The following TLE1 variants were observed in gnomAD, a reference collection of about 807,000 sequenced individuals.
TLE1 encodes transducin-like enhancer protein 1.
TLE1 carries 21 observed loss-of-function variants against 89.8 expected under a neutral mutation model. The observed-to-expected ratio is 0.23, with a 90% confidence interval of 0.17 to 0.34. TLE1 has a LOEUF of 0.34. Among genes scored for constraint, TLE1 ranks in the 10% least tolerant of loss-of-function variants. The probability of loss-of-function intolerance (pLI) is 1.00; values close to 1 mark genes in which losing one functional copy is unlikely to be tolerated. For synonymous variants in TLE1, 447 were observed against 407.6 expected, an observed-to-expected ratio of 1.10 and a Z score of -1.16; for missense variants, 795 against 1,031.2, an observed-to-expected ratio of 0.77 and a Z score of 3.14.
intron 14 of TLE1, among the ~76,000 whole-genome samples, chr9:81,604,862 C>T (rs1831425320): frequency 6.6e-6 from 1 of 152,190 alleles, no homozygotes; most frequent in South Asian, 2.1e-4. Flanking sequence ...GCATGCGCTT[C>T]AGCTTCACCC....
At position 81,633,897 on chromosome 9, in the gene TLE1, G is replaced by A. The variant is rs189720856; in HGVS notation, c.577+200C>T. 754 of 539,962 alleles carry A rather than the reference G, an allele frequency of 1.4e-3. 7 individuals carry two copies. The highest frequency in any genetic ancestry group is 0.013 in the African/African-American group (661 of 52,688). The allele number at this position is 539,962 out of a possible 1,614,324, so 33.4% of individuals were successfully genotyped here. A position where few individuals can be genotyped will look rare whatever the true frequency, so the allele number is the denominator to read the frequency against. ...AAGATGCCTGCAATCTAACGAGATC[G>A]AGAAATCTACAGATGCCCACAGCAA... On this transcript the variant is annotated intron_variant, in intron 7 of 19. Coordinates refer to ENST00000376499, the MANE Select transcript of TLE1 (RefSeq NM_005077.5).
At chr9:81,620,892 G>C (rs868546290) in intron 8 of TLE1, 1 of 594,470 alleles carries the variant, frequency 1.7e-6, no homozygotes. Context: ...CGACTTCCTG[G>C]TCAGGAATAC....
chr9:81,607,585 T>C (rs141302883), intron 14 of TLE1, among the ~76,000 whole-genome samples: 338 of 152,334 alleles, frequency 2.2e-3, no homozygotes, highest in African/African-American at 7.3e-3. Flanking sequence ...CAAAGGTTCA[T>C]TGGTTACTGG....
intron 6 of TLE1, among the ~76,000 whole-genome samples, chr9:81,639,594 T>G (rs775357002): frequency 4.0e-5 from 6 of 148,572 alleles, no homozygotes; most frequent in Non-Finnish European, 6.0e-5. Context: ...TTTTGTTTTT[T>G]TTTTTTTTGA....
At position 81,613,256 on chromosome 9, in the gene TLE1, G is replaced by A. The variant is rs1823949310; in HGVS notation, c.1063+121C>T. ...ATCATGGCTTTTTCAGAGATAGGAA[G>A]GAGGGTGGCCCTACGTACATTTCAT... On this transcript the variant is annotated intron_variant, in intron 12 of 19. Coordinates refer to ENST00000376499, the MANE Select transcript of TLE1 (RefSeq NM_005077.5). The A allele has an allele frequency of 1.0e-5, 14 of 1,357,160 alleles. No homozygotes were observed. In the South Asian group the frequency reaches 1.8e-4, roughly 17 times the overall value. The allele number at this position is 1,357,160 out of a possible 1,614,324, so 84.1% of individuals were successfully genotyped here.
intron 4 of TLE1, among the ~76,000 whole-genome samples, chr9:81,661,878 C>A (rs1489709112): frequency 3.3e-5 from 5 of 152,074 alleles, no homozygotes; most frequent in Non-Finnish European, 5.9e-5. Flanking sequence ...TTAACAAAAT[C>A]CAATGATGAA....
At chr9:81,623,314 T>C (rs538039370) in intron 8 of TLE1, among the ~76,000 whole-genome samples, 104 of 152,242 alleles carry the variant, frequency 6.8e-4, no homozygotes, top group African/African-American at 2.4e-3. Flanking sequence ...TTTATACATA[T>C]TTCGAGAATT....
At chr9:81,641,712 A>G (rs1247080798) in intron 6 of TLE1, among the ~76,000 whole-genome samples, 2 of 152,206 alleles carry the variant, frequency 1.3e-5, no homozygotes, top group East Asian at 1.9e-4. Flanking sequence ...AGGAAACGCA[A>G]ATCAGAGCCA....
chr9:81,602,777 C>T (rs1189057723), intron 14 of TLE1, among the ~76,000 whole-genome samples: 1 of 151,918 alleles, frequency 6.6e-6, no homozygotes, highest in Non-Finnish European at 1.5e-5. Context: ...TCAGCTAGGA[C>T]CTTACTGACA....
At chr9:81,602,509 G>T (rs1450055566) in intron 14 of TLE1, among the ~76,000 whole-genome samples, 2 of 152,056 alleles carry the variant, frequency 1.3e-5, no homozygotes, top group Admixed American at 6.6e-5. Context: ...TTTTCCCTTG[G>T]GGATACCAAA....
chr9:81,599,863 T>C, intron 14 of TLE1: 1 of 430,992 alleles, frequency 2.3e-6, no homozygotes, highest in Non-Finnish European at 4.2e-6. Context: ...GTTGGGAGAC[T>C]CTTTGTTTCC....
chr9:81,669,036 C>T lies in TLE1; in HGVS notation c.235-15000G>A, dbSNP rs567159605. Among the ~76,000 whole-genome samples, 143 of 152,288 alleles carry T rather than the reference C, an allele frequency of 9.4e-4. 4 individuals carry two copies. The highest frequency in any genetic ancestry group is 8.7e-3 in the South Asian group (42 of 4,824). On this transcript the variant is annotated intron_variant, in intron 4 of 19. Transcript: ENST00000376499. ...AGCACCAGAAACCAAATTTAACCCA[C>T]GTATTCTGTTACACTGGTCTGCATT...
chr9:81,598,776 A>C (rs1025870703), intron 14 of TLE1, among the ~76,000 whole-genome samples: 1 of 152,198 alleles, frequency 6.6e-6, no homozygotes, highest in Non-Finnish European at 1.5e-5. Context: ...CAGAAAAGAT[A>C]ATGAAAGCAA....
chr9:81,658,327 C>T (rs1830385240), intron 4 of TLE1, among the ~76,000 whole-genome samples: 1 of 152,076 alleles, frequency 6.6e-6, no homozygotes, highest in Non-Finnish European at 1.5e-5. Flanking sequence ...TTGGGTTAGA[C>T]TGGATAAGCC....
At chr9:81,633,426 GA>G in intron 7 of TLE1, 62 bp from the exon 8 acceptor site, 2 of 1,600,844 alleles carry the variant, frequency 1.2e-6, no homozygotes, top group Non-Finnish European at 1.7e-6. Context: ...GGCAAGAACA[GA>G]AATAAAAAAA....
chr9:81,621,974 A>G (rs1485928672), intron 8 of TLE1, among the ~76,000 whole-genome samples: 1 of 152,206 alleles, frequency 6.6e-6, no homozygotes, highest in East Asian at 1.9e-4. Flanking sequence ...AGAAGCTCTA[A>G]GTAATGTCTT....
At chr9:81,592,403 A>G (rs970456710) in intron 15 of TLE1, among the ~76,000 whole-genome samples, 12 of 152,220 alleles carry the variant, frequency 7.9e-5, no homozygotes, top group Admixed American at 7.2e-4. Flanking sequence ...AACATGTTTT[A>G]TGTCCCTGAA....
intron 4 of TLE1, among the ~76,000 whole-genome samples, chr9:81,669,836 A>G (rs1406050396): frequency 1.3e-5 from 2 of 152,104 alleles, no homozygotes; most frequent in Non-Finnish European, 2.9e-5. Flanking sequence ...CTTTATACCA[A>G]CGGTCCCCCT....
Position 81,634,229 on chromosome 9 carries a change from C to T in TLE1, c.445G>A (p.Gly149Arg). The change falls in exon 7 of 20, where the codon GGA becomes AGA. Residue 149 changes from glycine (G) to arginine (R), a missense_variant. Gly to Arg is a moderately radical substitution (Grantham distance 125). Transcript: ENST00000376499. ...GGCGGGATTCCAGGAGGCTGAAGTC[C>T]CGAAGGGTGAGGCGTAAGGGGAACT... ...PPVPLTPHPS[G>R]LQPPGIPPLG... 1 of 1,588,052 alleles carries T rather than the reference C, an allele frequency of 6.3e-7. No homozygotes were observed. The highest frequency in any genetic ancestry group is 8.6e-7 in the Non-Finnish European group (1 of 1,165,438).
Sources: allele counts gnomAD v4.1 joint callset (sites outside exome capture counted in the v4.1 genomes callset), GRCh38; gene constraint gnomAD v4.1.1; transcripts MANE v1.5; gene names NCBI Gene and HGNC (gene_info 2026-07-23, HGNC 2026-07-21).